Variants in QTMAN observed in about 807,000 individuals in gnomAD.
The protein encoded by QTMAN is queuosine-tRNA mannosyltransferase.
chr2:144,013,350 G>A, the QTMAN span, among the ~76,000 whole-genome samples: 1 of 152,216 alleles, frequency 6.6e-6, no homozygotes, highest in African/African-American at 2.4e-5. Context: ...GTCAACAAAG[G>A]ATACTCTGGG....
the QTMAN span, among the ~76,000 whole-genome samples, chr2:144,068,543 T>C: frequency 3.9e-5 from 6 of 152,240 alleles, no homozygotes; most frequent in African/African-American, 1.4e-4. Context: ...TAATCTGTAG[T>C]CCAATTAATA....
the QTMAN span, among the ~76,000 whole-genome samples, chr2:144,279,594 G>A: frequency 7.2e-5 from 11 of 152,062 alleles, no homozygotes; most frequent in African/African-American, 1.2e-4. Context: ...GCAGGTTTGC[G>A]CTGGGGCTTG....
the QTMAN span, among the ~76,000 whole-genome samples, chr2:143,992,016 A>G: frequency 6.6e-6 from 1 of 151,638 alleles, no homozygotes. Context: ...CCCAGCCACC[A>G]CCCCGTCTGG....
chr2:143,948,945 G>A, the QTMAN span, among the ~76,000 whole-genome samples: 6 of 152,080 alleles, frequency 3.9e-5, no homozygotes, highest in South Asian at 6.2e-4. Flanking sequence ...TACATGTCTC[G>A]ACAATACAAG....
the QTMAN span, among the ~76,000 whole-genome samples, chr2:144,256,745 A>G: frequency 6.6e-6 from 1 of 152,024 alleles, no homozygotes; most frequent in Non-Finnish European, 1.5e-5. Context: ...AGGCATTAGG[A>G]AAAATACCTA....
At chr2:144,137,117 G>C in the QTMAN span, among the ~76,000 whole-genome samples, 40,370 of 152,052 alleles carry the variant, frequency 0.27, 6,521 homozygotes, top group East Asian at 0.39. Context: ...TTCCTTTAGG[G>C]GAACACAGCT....
the QTMAN span, among the ~76,000 whole-genome samples, chr2:144,056,686 C>G: frequency 6.6e-6 from 1 of 152,222 alleles, no homozygotes; most frequent in South Asian, 2.1e-4. Flanking sequence ...CCCCAGTCTA[C>G]ACAAATCCCT....
chr2:144,113,415 GAA>G, the QTMAN span, among the ~76,000 whole-genome samples: 1 of 143,420 alleles, frequency 7.0e-6, no homozygotes. Context: ...AACAACAGTG[GAA>G]AAAAAAAAAG....
the QTMAN span, among the ~76,000 whole-genome samples, chr2:144,217,495 AAATT>A: frequency 1.3e-5 from 2 of 152,210 alleles, no homozygotes; most frequent in South Asian, 2.1e-4. Flanking sequence ...ATGTCACTAT[AAATT>A]AATATATTAA....
At chr2:144,127,282 A>C in the QTMAN span, among the ~76,000 whole-genome samples, 6 of 151,982 alleles carry the variant, frequency 3.9e-5, no homozygotes, top group African/African-American at 1.4e-4. Flanking sequence ...AAACATAACA[A>C]ACACACACAA....
At chr2:143,973,405 A>G in the QTMAN span, among the ~76,000 whole-genome samples, 2 of 152,246 alleles carry the variant, frequency 1.3e-5, no homozygotes, top group African/African-American at 2.4e-5. Flanking sequence ...AGTAAATTAC[A>G]TATTATAAAT....
At chr2:144,178,707 T>C in the QTMAN span, 1 of 261,350 alleles carries the variant, frequency 3.8e-6, no homozygotes, top group Non-Finnish European at 7.5e-6. Context: ...TCCCCTCAGG[T>C]AGGCCAGGAA....
At chr2:144,268,125 A>C in the QTMAN span, among the ~76,000 whole-genome samples, 1 of 152,116 alleles carries the variant, frequency 6.6e-6, no homozygotes, top group Non-Finnish European at 1.5e-5. Flanking sequence ...GGCCATTCTC[A>C]TGGTAATGAG....
At chr2:144,018,436 A>G in the QTMAN span, among the ~76,000 whole-genome samples, 1 of 152,324 alleles carries the variant, frequency 6.6e-6, no homozygotes, top group East Asian at 1.9e-4. Context: ...GACCTCATCC[A>G]GAATTAATAT....
chr2:144,083,821 A>G, the QTMAN span, among the ~76,000 whole-genome samples: 3 of 152,224 alleles, frequency 2.0e-5, no homozygotes, highest in Non-Finnish European at 2.9e-5. Flanking sequence ...ATACAGGCAC[A>G]AAAGGCAAAA....
At chr2:144,180,779 G>A in the QTMAN span, among the ~76,000 whole-genome samples, 6 of 152,274 alleles carry the variant, frequency 3.9e-5, no homozygotes, top group South Asian at 1.2e-3. Flanking sequence ...TAGTTAAAGT[G>A]AGGAGGTAGT....
chr2:144,150,400 C>T, the QTMAN span, among the ~76,000 whole-genome samples: 4 of 151,926 alleles, frequency 2.6e-5, no homozygotes, highest in Non-Finnish European at 4.4e-5. Context: ...TGAAAATGTT[C>T]TATATCTGTA....
chr2:144,055,871 C>T, the QTMAN span, among the ~76,000 whole-genome samples: 2 of 152,142 alleles, frequency 1.3e-5, no homozygotes, highest in Non-Finnish European at 2.9e-5. Context: ...CATCAAGCGG[C>T]AAAGTGGAAG....
At chr2:144,318,796 T>C in the QTMAN span, among the ~76,000 whole-genome samples, 4 of 152,224 alleles carry the variant, frequency 2.6e-5, no homozygotes, top group Non-Finnish European at 4.4e-5. Flanking sequence ...GGTTTATATC[T>C]AGGCTGTAGA....
Sources: gnomAD v4.1 joint callset for allele counts (sites outside exome capture counted in the v4.1 genomes callset) on GRCh38, gnomAD v4.1.1 for gene constraint, MANE v1.5 for transcripts, NCBI Gene and HGNC (gene_info 2026-07-23, HGNC 2026-07-21) for gene names.